The following HS3ST1 variants were observed in gnomAD, a reference collection of about 807,000 sequenced individuals.
HS3ST1 encodes heparan sulfate-glucosamine 3-sulfotransferase 1, also known as heparan sulfate glucosamine 3-O-sulfotransferase 1.
A neutral mutation model predicts 20.7 loss-of-function variants in HS3ST1; 8 were observed. That is an observed-to-expected ratio of 0.39 (90% CI 0.23 to 0.70). The LOEUF (loss-of-function observed/expected upper bound fraction) is 0.70. Among genes scored for constraint, HS3ST1 ranks in the 30% least tolerant of loss-of-function variants. The pLI is 0.46. For missense variants in HS3ST1, 436 were observed against 423.4 expected, an observed-to-expected ratio of 1.03 and a Z score of -0.26; for synonymous variants, 205 against 190.4, an observed-to-expected ratio of 1.08 and a Z score of -0.63.
In HS3ST1 at chr4:11,404,182, C is replaced by T. The variant is rs368090261; in HGVS notation, c.-108-4069G>A. ...GCCTCAGCTTCCCAAGTAGCTGGGACCACAGGTGTGTGCCACCACAGCTGG... is the reference window on the plus strand; with the variant it reads ...GCCTCAGCTTCCCAAGTAGCTGGGATCACAGGTGTGTGCCACCACAGCTGG... On this transcript the variant is annotated intron_variant, in intron 1 of 1. Coordinates refer to ENST00000002596, the MANE Select transcript of HS3ST1 (RefSeq NM_005114.4). 2.0e-4 allele frequency among the ~76,000 whole-genome samples: 30 copies of T among 152,158 alleles called. No homozygotes were observed. The South Asian group carries it at 5.8e-3, about 29-fold the overall frequency.
intron 1 of HS3ST1, among the ~76,000 whole-genome samples, chr4:11,416,828 G>A (rs183905787): frequency 6.6e-6 from 1 of 152,318 alleles, no homozygotes; most frequent in Admixed American, 6.5e-5. Context: ...GTGATCCAAG[G>A]CAAAAGGCAC....
rs1718106594 is a variant in HS3ST1 at position 11,395,286 on chromosome 4, T to A, written c.*3796A>T. The stretch of plus-strand genomic sequence containing the variant: ...ATGCGACCTCTGGGAAGATTCTCTA[T>A]TTCTTAATATTTCTGAGAAATGACA... On this transcript the variant is annotated 3_prime_UTR_variant, in exon 2 of 2. Coordinates refer to ENST00000002596, the MANE Select transcript of HS3ST1 (RefSeq NM_005114.4). The A allele has an allele frequency of 1.3e-5, 2 of 152,046 alleles. No individual in the cohort carries two copies. Among genetic ancestry groups the A allele is most frequent in the African/African-American group, 4.8e-5 (2 of 41,390 alleles). The allele number at this position is 152,046 out of a possible 1,614,324, so 9.4% of individuals were successfully genotyped here. A position where few individuals can be genotyped will look rare whatever the true frequency, so the allele number is the denominator to read the frequency against.
At chr4:11,407,035 C>T (rs998508186) in intron 1 of HS3ST1, among the ~76,000 whole-genome samples, 11 of 152,124 alleles carry the variant, frequency 7.2e-5, no homozygotes, top group African/African-American at 2.4e-4. Flanking sequence ...ATTGGAAATA[C>T]GTTTAGTTTG....
chr4:11,409,551 G>A (rs953440298), intron 1 of HS3ST1, among the ~76,000 whole-genome samples: 2 of 152,292 alleles, frequency 1.3e-5, no homozygotes, highest in East Asian at 3.9e-4. Flanking sequence ...GCAAAACGTG[G>A]CCCTCTGCGA....
At chr4:11,423,094 G>C (rs940824390) in intron 1 of HS3ST1, among the ~76,000 whole-genome samples, 6 of 145,582 alleles carry the variant, frequency 4.1e-5, no homozygotes, top group Non-Finnish European at 9.0e-5. Context: ...AACAATTAAG[G>C]CATCCTTACC....
intron 1 of HS3ST1, among the ~76,000 whole-genome samples, chr4:11,425,179 G>A (rs572004868): frequency 6.6e-6 from 1 of 152,278 alleles, no homozygotes; most frequent in South Asian, 2.1e-4. Context: ...GAATGTCTAA[G>A]TGCCAGGCAG....
At chr4:11,406,472 G>T (rs1291670036) in intron 1 of HS3ST1, among the ~76,000 whole-genome samples, 2 of 152,152 alleles carry the variant, frequency 1.3e-5, no homozygotes, top group Non-Finnish European at 2.9e-5. Flanking sequence ...ACAGTGTCTG[G>T]CACACAGTTA....
At position 11,396,120 on chromosome 4, in the gene HS3ST1, C is replaced by T. The variant is rs1474638471; in HGVS notation, c.*2962G>A. On this transcript the variant is annotated 3_prime_UTR_variant, in exon 2 of 2. Transcript: ENST00000002596. The stretch of plus-strand genomic sequence containing the variant: ...AGCAGCAGGCACGCTAGGCATCGGC[C>T]TCTCCTGCCCTCCATCTCCTTTCAG... 1.3e-5 allele frequency: 2 copies of T among 152,208 alleles called. No individual in the cohort carries two copies. The highest frequency in any genetic ancestry group is 2.1e-4 in the South Asian group (1 of 4,828). The allele number at this position is 152,208 out of a possible 1,614,324, so 9.4% of individuals were successfully genotyped here. A position where few individuals can be genotyped will look rare whatever the true frequency, so the allele number is the denominator to read the frequency against.
chr4:11,428,343 A>G (rs760514098), intron 1 of HS3ST1: 1 of 152,308 alleles, frequency 6.6e-6, no homozygotes, highest in Non-Finnish European at 1.5e-5. Flanking sequence ...TCGCTGCCCT[A>G]CAGGGTCCTA....
At chr4:11,400,523 C>A (rs1012676032) in intron 1 of HS3ST1, among the ~76,000 whole-genome samples, 2 of 152,144 alleles carry the variant, frequency 1.3e-5, no homozygotes, top group African/African-American at 4.8e-5. Context: ...CTGCATACAA[C>A]CAGGCCAGGT....
Position 11,398,441 on chromosome 4 carries a change from T to C in HS3ST1, c.*641A>G, listed in dbSNP as rs1445047398. 6.6e-6 allele frequency: 1 copy of C among 152,276 alleles called. No individual in the cohort carries two copies. The highest frequency in any genetic ancestry group is 1.5e-5 in the Non-Finnish European group (1 of 68,076). 9.4% of individuals were successfully genotyped at this position (152,276 alleles called of 1,614,324 possible). On this transcript the variant is annotated 3_prime_UTR_variant, in exon 2 of 2. Coordinates refer to ENST00000002596, the MANE Select transcript of HS3ST1 (RefSeq NM_005114.4). ...GTGCAAATATTCTTTGAGGTCAAGA[T>C]GGATCCCAAGAGACCTCTAGCCAGT...
chr4:11,411,821 C>A (rs1718644755), intron 1 of HS3ST1, among the ~76,000 whole-genome samples: 1 of 152,176 alleles, frequency 6.6e-6, no homozygotes. Context: ...AGATGAATTA[C>A]AGGAGCTCGG....
At chr4:11,401,592 C>T (rs1048710923) in intron 1 of HS3ST1, among the ~76,000 whole-genome samples, 1 of 152,174 alleles carries the variant, frequency 6.6e-6, no homozygotes, top group African/African-American at 2.4e-5. Context: ...GATCTGCCTG[C>T]CTCGGCCTCC....
rs1054220840 is a variant in HS3ST1 at position 11,419,363 on chromosome 4, A to T, written c.-109+9336T>A. ...CAAAAAACTGAGACACTCTCCCATG[A>T]ATATGATGCATAAAATTTAGTTTGT... On this transcript the variant is annotated intron_variant, in intron 1 of 1. Transcript: ENST00000002596. Among the ~76,000 whole-genome samples the T allele has an allele frequency of 7.9e-5, 12 of 152,282 alleles. No homozygotes were observed. The East Asian group carries it at 2.3e-3, about 29-fold the overall frequency.
chr4:11,419,294 G>A (rs1303582144), intron 1 of HS3ST1, among the ~76,000 whole-genome samples: 1 of 151,982 alleles, frequency 6.6e-6, no homozygotes, highest in African/African-American at 2.4e-5. Flanking sequence ...ATGAATAACA[G>A]TGCTTGCTTG....
chr4:11,402,555 G>T (rs148857075), intron 1 of HS3ST1, among the ~76,000 whole-genome samples: 284 of 152,320 alleles, frequency 1.9e-3, no homozygotes, highest in African/African-American at 5.8e-3. Flanking sequence ...GCATGCTTGA[G>T]TGTGTCTGTA....
rs1270148575 is a variant in HS3ST1 at position 11,399,221 on chromosome 4, C to T, written c.785G>A (p.Arg262Gln). 6 of 1,614,028 alleles carry T rather than the reference C, an allele frequency of 3.7e-6. No homozygotes were observed. The highest frequency in any genetic ancestry group is 5.1e-6 in the Non-Finnish European group (6 of 1,180,032). Residue 262 changes from arginine (R) to glutamine (Q), a missense_variant, in exon 2 of 2, where the codon CGG becomes CAG. By Grantham distance (43) the Arg-to-Gln change is conservative. Transcript: ENST00000002596. The surrounding 1 kb of genome is among the most constrained non-coding windows in gnomAD (Gnocchi z 5.1). ...KGFYCLRDSG[R>Q]DRCLHESKGR... is the part of the protein sequence containing the mutation. ...TTTGGACTCATGTAAGCAGCGGTCC[C>T]GGCCGCTGTCCCGCAGGCAGTAAAA...
intron 1 of HS3ST1, among the ~76,000 whole-genome samples, chr4:11,404,473 T>A (rs753058817): frequency 2.5e-4 from 38 of 152,190 alleles, no homozygotes; most frequent in Non-Finnish European, 3.5e-4. Context: ...GGCAATTGAG[T>A]TAGAGAGCAC....
At chr4:11,431,317 T>C (rs1306849635), upstream of HS3ST1, among the ~76,000 whole-genome samples, 1 of 151,524 alleles carries the variant, frequency 6.6e-6, no homozygotes, top group African/African-American at 2.4e-5. Context: ...TTCAAAGCCG[T>C]GGGCATGAGA....
Sources: gnomAD v4.1 joint callset for allele counts (sites outside exome capture counted in the v4.1 genomes callset) on GRCh38, gnomAD v4.1.1 for gene constraint, Gnocchi (gnomAD v3.1) non-coding constraint, MANE v1.5 for transcripts, NCBI Gene and HGNC (gene_info 2026-07-23, HGNC 2026-07-21) for gene names.